The following ERP44 variants were observed in gnomAD, a reference collection of about 807,000 sequenced individuals.
ERP44 encodes endoplasmic reticulum protein 44.
ERP44 carries 25 observed loss-of-function variants against 53.4 expected under a neutral mutation model. The ratio of observed to expected loss-of-function variants is 0.47; its 90% CI spans 0.34 to 0.65. The LOEUF is 0.65. ERP44 is among the 30% of genes least tolerant of loss of function. The probability of loss-of-function intolerance (pLI) is 0.01; values close to 1 mark genes in which losing one functional copy is unlikely to be tolerated. For missense variants in ERP44, 338 were observed against 493.2 expected, an observed-to-expected ratio of 0.69 and a Z score of 2.98; for synonymous variants, 145 against 161.2, an observed-to-expected ratio of 0.90 and a Z score of 0.76.
rs184648812 is a variant in ERP44 at position 100,015,507 on chromosome 9, T to C, written c.762+815A>G. Among the ~76,000 whole-genome samples, 570 of 152,352 alleles carry C rather than the reference T, an allele frequency of 3.7e-3. 2 individuals carry two copies. Among genetic ancestry groups the C allele is most frequent in the Non-Finnish European group, 5.4e-3 (369 of 68,028 alleles). On this transcript the variant is annotated intron_variant, in intron 8 of 11. Transcript: ENST00000262455. ...TGTAAGAATTTCGATGGGCTTGATT[T>C]CAGATGCATGGGATGACTGAGGTCG... is the stretch of plus-strand genomic sequence containing the variant.
chr9:100,023,277 TGA>T (rs1830613823), intron 4 of ERP44, among the ~76,000 whole-genome samples: 1 of 151,332 alleles, frequency 6.6e-6, no homozygotes, highest in African/African-American at 2.4e-5. Context: ...AATTGAGAAA[TGA>T]GAGAGTGGTA....
intron 1 of ERP44, among the ~76,000 whole-genome samples, chr9:100,067,570 G>T (rs1031830429): frequency 7.2e-5 from 11 of 152,188 alleles, no homozygotes; most frequent in African/African-American, 2.7e-4. Flanking sequence ...GCCTGCCTTG[G>T]CCTCCCAAAG....
intron 4 of ERP44, among the ~76,000 whole-genome samples, chr9:100,028,584 GA>G (rs1227970575): frequency 6.6e-6 from 1 of 152,232 alleles, no homozygotes; most frequent in African/African-American, 2.4e-5. Context: ...CACCACTGGA[GA>G]AAACCACTAT....
intron 1 of ERP44, among the ~76,000 whole-genome samples, chr9:100,068,547 C>G (rs1452065337): frequency 1.5e-5 from 2 of 135,804 alleles, no homozygotes; most frequent in Non-Finnish European, 3.2e-5. Flanking sequence ...CCCGGCCAGC[C>G]GCCCCGTCGG....
chr9:100,016,193 T>C (rs1024455041), intron 8 of ERP44, 129 bp downstream of exon 8: 39 of 1,361,978 alleles, frequency 2.9e-5, no homozygotes, highest in East Asian at 2.7e-5. Flanking sequence ...GAAACAGCTA[T>C]GATATAGTTA....
At chr9:99,984,363 G>A (rs1483873586) in intron 11 of ERP44, among the ~76,000 whole-genome samples, 4 of 151,662 alleles carry the variant, frequency 2.6e-5, no homozygotes, top group African/African-American at 9.7e-5. Flanking sequence ...TAGGAACATA[G>A]AAATTACTTG....
chr9:100,063,448 C>T lies in ERP44; in HGVS notation c.58-3276G>A, dbSNP rs898122468. On this transcript the variant is annotated intron_variant, in intron 1 of 11. Transcript: ENST00000262455. ...TGAACTGTTAGTAAGCTCCACTAGT[C>T]GGACAAATTGTTTTTTTTCCTGTCA... 6.6e-5 allele frequency among the ~76,000 whole-genome samples: 10 copies of T among 152,130 alleles called. No homozygotes were observed. In the East Asian group the frequency reaches 1.7e-3, roughly 26 times the overall value.
chr9:99,998,729 CTCTTT>C, intron 10 of ERP44: 5 of 726,606 alleles, frequency 6.9e-6, no homozygotes, highest in South Asian at 3.1e-5. Context: ...TTTTTTGCAT[CTCTTT>C]TCTTTTTTCC....
intron 10 of ERP44, chr9:99,999,114 G>C (rs551753587): frequency 3.2e-6 from 2 of 633,104 alleles, no homozygotes; most frequent in African/African-American, 1.8e-5. Flanking sequence ...GCGTGGACAC[G>C]GCGCACCTGA....
intron 5 of ERP44, 146 bp downstream of exon 5, chr9:100,021,896 T>C (rs1232117266): frequency 1.5e-6 from 1 of 662,562 alleles, no homozygotes; most frequent in African/African-American, 1.8e-5. Context: ...TTGAGATTAA[T>C]TCAAAAAAAT....
At position 100,006,635 on chromosome 9, in the gene ERP44, A is replaced by C. The variant is rs749834343; in HGVS notation, c.887T>G (p.Phe296Cys). The C allele has an allele frequency of 8.1e-6, 13 of 1,595,626 alleles. No individual in the cohort carries two copies. The highest frequency in any genetic ancestry group is 2.2e-5 in the East Asian group (1 of 44,672). The change falls in exon 10 of 12, where the codon TTT becomes TGT. Residue 296 changes from phenylalanine to cysteine, a missense_variant. This residue lies in a region of ERP44 where 113 missense variants were observed against 172.6 expected (regional missense o/e 0.65). Transcript: ENST00000262455. The part of the protein sequence containing the change: ...QLISEKGTIN[F>C]LHADCDKFRH... ...AAATTTGTCACAATCGGCATGTAAA[A>C]AGTTTATTGTACCTTTAAGAAAAAA...
rs1826704969 is a variant in ERP44, at chr9:100,098,939, A to T, written c.-99T>A. ...GGGCTGGGCTCCGGGAGCCGACGGC[A>T]GCGGAGGATTCTCCAGGCAGCGGCA... is the stretch of plus-strand genomic sequence containing the variant. On this transcript the variant is annotated 5_prime_UTR_variant, in exon 1 of 12. Transcript: ENST00000262455. 1 of 923,328 alleles carries T rather than the reference A, an allele frequency of 1.1e-6. No homozygotes were observed. Among genetic ancestry groups the T allele is most frequent in the Non-Finnish European group, 1.7e-6 (1 of 583,582 alleles). 57.2% of individuals were successfully genotyped at this position (923,328 alleles called of 1,614,324 possible). A position where few individuals can be genotyped will look rare whatever the true frequency, so the allele number is the denominator to read the frequency against.
In ERP44 at chr9:100,021,542, T is replaced by C. The variant is rs191864830; in HGVS notation, c.471+500A>G. 5.3e-5 allele frequency among the ~76,000 whole-genome samples: 8 copies of C among 152,332 alleles called. No individual in the cohort carries two copies. In the East Asian group the frequency reaches 1.3e-3, roughly 26 times the overall value. ...CAAACCTGACAGTGATGATTGGTGA[T>C]TGTGATAAAGCCCAAACTCAATTGT... On this transcript the variant is annotated intron_variant, in intron 5 of 11. Transcript: ENST00000262455.
In ERP44 at chr9:100,060,170, T is replaced by C; in HGVS notation, c.60A>G (p.Val20=). 6.7e-7 allele frequency: 1 copy of C among 1,499,298 alleles called. No homozygotes were observed. The highest frequency in any genetic ancestry group is 2.5e-5 in the East Asian group (1 of 40,436). 92.9% of individuals were successfully genotyped at this position (1,499,298 alleles called of 1,614,324 possible). A position where few individuals can be genotyped will look rare whatever the true frequency, so the allele number is the denominator to read the frequency against. The change falls in exon 2 of 12, where the codon GTA becomes GTG. Residue 20 remains valine, a splice_region_variant and synonymous_variant. Coordinates refer to ENST00000262455, the MANE Select transcript of ERP44 (RefSeq NM_015051.3). ...PDLRCSLLLL[V]TWVFTPVTTE... The stretch of plus-strand genomic sequence containing the variant: ...TTGTTACAGGAGTAAAAACCCAAGT[T>C]ACCTGAAAATTTAAAAAATGAGAAA...
chr9:100,011,257 C>G (rs1012365275), intron 8 of ERP44, among the ~76,000 whole-genome samples: 1 of 152,134 alleles, frequency 6.6e-6, no homozygotes, highest in African/African-American at 2.4e-5. Context: ...ACCACTGACA[C>G]CTTGTGGCCA....
intron 4 of ERP44, among the ~76,000 whole-genome samples, chr9:100,035,209 C>T (rs1825838421): frequency 1.3e-5 from 2 of 152,026 alleles, no homozygotes; most frequent in South Asian, 4.1e-4. Context: ...GCAACAAAAA[C>T]AAAAACTGGT....
At chr9:100,065,540 C>A (rs1025684213) in intron 1 of ERP44, among the ~76,000 whole-genome samples, 2 of 152,026 alleles carry the variant, frequency 1.3e-5, no homozygotes, top group African/African-American at 4.8e-5. Context: ...TTCATGTAAT[C>A]ATTTAACAAT....
At chr9:100,096,444 A>C (rs559528454) in intron 1 of ERP44, among the ~76,000 whole-genome samples, 102 of 152,082 alleles carry the variant, frequency 6.7e-4, no homozygotes, top group Admixed American at 1.7e-3. Context: ...TCAGGAAAAA[A>C]AGTTATCACA....
chr9:100,058,088 T>A (rs1462318334), intron 2 of ERP44, among the ~76,000 whole-genome samples: 4 of 152,172 alleles, frequency 2.6e-5, no homozygotes, highest in African/African-American at 9.7e-5. Flanking sequence ...TATCTTTTAT[T>A]TTATGGAGAC....
Sources: allele counts gnomAD v4.1 joint callset (sites outside exome capture counted in the v4.1 genomes callset), GRCh38; gene constraint gnomAD v4.1.1; regional missense constraint gnomAD v4.1.1; transcripts MANE v1.5; gene names NCBI Gene and HGNC (gene_info 2026-07-23, HGNC 2026-07-21).